Variants in IQGAP2 observed in about 807,000 individuals in gnomAD.
IQGAP2 encodes the protein ras GTPase-activating-like protein IQGAP2.
In IQGAP2, 173 loss-of-function variants were observed where a neutral mutation model predicts 201.3. The observed-to-expected ratio is 0.86, with a 90% CI of 0.76 to 0.98. The LOEUF is 0.98. Ranked by LOEUF, IQGAP2 falls within the 50% of genes least tolerant of loss-of-function variation. IQGAP2 has a pLI of 0.00. For synonymous variants in IQGAP2, 675 were observed against 673.9 expected (o/e 1.00, Z -0.03); for missense variants, 1,687 against 1,864.8 (o/e 0.90, Z 1.76).
At chr5:76,544,472 G>T (rs1742972724) in intron 2 of IQGAP2, among the ~76,000 whole-genome samples, 1 of 152,160 alleles carries the variant, frequency 6.6e-6, no homozygotes, top group African/African-American at 2.4e-5. Context: ...TAAAATCAAG[G>T]ACATATAGCC....
chr5:76,595,854 C>T (rs1401056043), intron 9 of IQGAP2, among the ~76,000 whole-genome samples: 2 of 148,746 alleles, frequency 1.3e-5, no homozygotes, highest in Admixed American at 1.3e-4. Context: ...CTGTACAAAC[C>T]CATATAATAA....
chr5:76,543,564 A>G (rs1030673161), intron 2 of IQGAP2, among the ~76,000 whole-genome samples: 15 of 152,268 alleles, frequency 9.9e-5, no homozygotes, highest in African/African-American at 3.6e-4. Flanking sequence ...AGTCAGTACC[A>G]ATGATTTGTG....
At chr5:76,515,287 T>C (rs906982711) in intron 2 of IQGAP2, among the ~76,000 whole-genome samples, 28 of 152,384 alleles carry the variant, frequency 1.8e-4, no homozygotes, top group African/African-American at 6.3e-4. Flanking sequence ...ATGATGCTGT[T>C]GTTTTGATCA....
At chr5:76,672,734 A>G (rs1291606578) in intron 24 of IQGAP2, among the ~76,000 whole-genome samples, 2 of 152,198 alleles carry the variant, frequency 1.3e-5, no homozygotes, top group Non-Finnish European at 2.9e-5. Context: ...CACAAATTGC[A>G]TTACACCCAT....
At chr5:76,441,470 A>C in intron 1 of IQGAP2, 1 of 985,120 alleles carries the variant, frequency 1.0e-6, no homozygotes, top group Middle Eastern at 5.2e-4. Flanking sequence ...AAAAAGAACC[A>C]AAAGAAAAAG....
intron 1 of IQGAP2, among the ~76,000 whole-genome samples, chr5:76,429,122 C>T (rs901448396): frequency 6.7e-6 from 1 of 150,230 alleles, no homozygotes; most frequent in Non-Finnish European, 1.5e-5. Flanking sequence ...CCTAGAAAAA[C>T]ATCTGAAATG....
chr5:76,417,974 C>A, intron 1 of IQGAP2, among the ~76,000 whole-genome samples: 1 of 150,638 alleles, frequency 6.6e-6, no homozygotes, highest in South Asian at 2.1e-4. Flanking sequence ...TTTGGGAGGC[C>A]GAGGCAGGCA....
At chr5:76,551,113 C>A (rs1171191412) in intron 2 of IQGAP2, among the ~76,000 whole-genome samples, 9 of 150,012 alleles carry the variant, frequency 6.0e-5, no homozygotes, top group African/African-American at 2.2e-4. Flanking sequence ...GGCGGAGGGG[C>A]TCCTCACTTC....
intron 1 of IQGAP2, among the ~76,000 whole-genome samples, chr5:76,436,286 T>A (rs1752641928): frequency 6.6e-6 from 1 of 151,630 alleles, no homozygotes. Flanking sequence ...GGCATCCCTG[T>A]CTTGTTCCAG....
At chr5:76,637,285 A>G in intron 16 of IQGAP2, 109 bp downstream of exon 16, 1 of 853,724 alleles carries the variant, frequency 1.2e-6, no homozygotes. Context: ...ATTTATCTGA[A>G]GTCTGGATAT....
At chr5:76,648,467 A>G (rs138159882) in intron 17 of IQGAP2, among the ~76,000 whole-genome samples, 118 of 152,292 alleles carry the variant, frequency 7.7e-4, no homozygotes, top group East Asian at 7.1e-3. Flanking sequence ...CAATCACTTG[A>G]CTGTTTGGAT....
intron 1 of IQGAP2, among the ~76,000 whole-genome samples, chr5:76,445,146 G>A (rs1753301256): frequency 6.6e-6 from 1 of 152,138 alleles, no homozygotes; most frequent in Admixed American, 6.6e-5. Flanking sequence ...AATAGCATCT[G>A]TTACCATTTC....
intron 10 of IQGAP2, among the ~76,000 whole-genome samples, chr5:76,599,123 T>C (rs1407163055): frequency 6.6e-6 from 1 of 152,194 alleles, no homozygotes; most frequent in African/African-American, 2.4e-5. Flanking sequence ...AGTTCCTGTC[T>C]GTAATCTTAG....
At chr5:76,682,277 T>C (rs1745373479) in intron 28 of IQGAP2, among the ~76,000 whole-genome samples, 1 of 152,178 alleles carries the variant, frequency 6.6e-6, no homozygotes, top group Non-Finnish European at 1.5e-5. Context: ...AGCTTTATCA[T>C]TATGATGCAG....
intron 15 of IQGAP2, among the ~76,000 whole-genome samples, chr5:76,633,459 T>A (rs1750869090): frequency 6.6e-6 from 1 of 151,022 alleles, no homozygotes; most frequent in African/African-American, 2.5e-5. Context: ...ATCATTTTTA[T>A]TTTATTGTAA....
intron 2 of IQGAP2, among the ~76,000 whole-genome samples, chr5:76,514,287 G>A (rs1040300683): frequency 1.2e-4 from 19 of 152,070 alleles, no homozygotes; most frequent in African/African-American, 4.3e-4. Context: ...GCCTTCCAGA[G>A]TGCTAGGATT....
At chr5:76,605,454 A>G (rs376171204) in intron 11 of IQGAP2, among the ~76,000 whole-genome samples, 101 of 152,266 alleles carry the variant, frequency 6.6e-4, no homozygotes, top group Middle Eastern at 3.4e-3. Context: ...TCAGCCTCCC[A>G]AATTGCTGGG....
chr5:76,564,213 C>T (rs181278827), intron 3 of IQGAP2, among the ~76,000 whole-genome samples: 1 of 152,226 alleles, frequency 6.6e-6, no homozygotes, highest in African/African-American at 2.4e-5. Context: ...TTCAGAGAAG[C>T]CCAGAAAAAG....
chr5:76,701,359 T>C, intron 34 of IQGAP2, 146 bp downstream of exon 34: 2 of 759,280 alleles, frequency 2.6e-6, no homozygotes, highest in Admixed American at 2.3e-5. Context: ...ATGGCTACTC[T>C]TCCCTTGGCC....
Sources: gnomAD v4.1 joint callset for allele counts (sites outside exome capture counted in the v4.1 genomes callset) on GRCh38, gnomAD v4.1.1 for gene constraint, MANE v1.5 for transcripts, NCBI Gene and HGNC (gene_info 2026-07-23, HGNC 2026-07-21) for gene names.